BCL2: variants seen among roughly 807,000 people sequenced by gnomAD.
The protein encoded by BCL2 is apoptosis regulator Bcl-2.
A neutral mutation model predicts 14.2 loss-of-function variants in BCL2; 1 was observed. The observed-to-expected ratio is 0.07, with a 90% confidence interval of 0.02 to 0.33. The LOEUF (loss-of-function observed/expected upper bound fraction) is 0.33. Among genes scored for constraint, BCL2 ranks in the 10% least tolerant of loss-of-function variants. The pLI is 0.99. For synonymous variants in BCL2, 151 were observed against 137.2 expected (o/e 1.10, Z -0.70); for missense variants, 247 against 305.9 (o/e 0.81, Z 1.44).
At chr18:63,270,825 A>AT (rs71162617) in intron 2 of BCL2, among the ~76,000 whole-genome samples, 18 of 148,618 alleles carry the variant, frequency 1.2e-4, no homozygotes, top group East Asian at 2.0e-4. Context: ...AACTTGAAGA[A>AT]TTTTTTTTTT....
intron 2 of BCL2, among the ~76,000 whole-genome samples, chr18:63,246,262 T>C (rs1225175991): frequency 6.6e-6 from 1 of 152,180 alleles, no homozygotes; most frequent in African/African-American, 2.4e-5. Context: ...TCCAAGTTTT[T>C]CCTCAGGACT....
At chr18:63,284,574 G>T (rs1912412180) in intron 2 of BCL2, among the ~76,000 whole-genome samples, 1 of 152,208 alleles carries the variant, frequency 6.6e-6, no homozygotes, top group Admixed American at 6.5e-5. Flanking sequence ...CAGTGCTTAT[G>T]TGGCAATGCT....
At chr18:63,159,055 A>G (rs1914852174) in intron 2 of BCL2, among the ~76,000 whole-genome samples, 2 of 152,190 alleles carry the variant, frequency 1.3e-5, no homozygotes, top group South Asian at 4.1e-4. Flanking sequence ...CAAAAACACA[A>G]CTGAAAGAGA....
chr18:63,193,428 C>T (rs1404000185), intron 2 of BCL2, among the ~76,000 whole-genome samples: 5 of 152,020 alleles, frequency 3.3e-5, no homozygotes, highest in African/African-American at 1.2e-4. Flanking sequence ...ACTGTGTTCT[C>T]GGCTTCTGTG....
rs1317107133 is a variant in BCL2, at chr18:63,310,023, T to A, written c.585+8059A>T. The stretch of plus-strand genomic sequence containing the variant: ...GATTACAGGCGCCCACCACCACACC[T>A]GGCTAATTTTTCTATTTTTAGTAGA... On this transcript the variant is annotated intron_variant, in intron 2 of 2. Coordinates refer to ENST00000333681, the MANE Select transcript of BCL2 (RefSeq NM_000633.3). 3.3e-5 allele frequency among the ~76,000 whole-genome samples: 5 copies of A among 151,852 alleles called. No individual in the cohort carries two copies. In the East Asian group the frequency reaches 9.7e-4, roughly 30 times the overall value.
rs1178120056 is a variant in BCL2 at position 63,319,748 on chromosome 18, T to A, written c.-861A>T. ...GGTGCCGAGCGCTAGAAGCCCGCGC[T>A]GTGTGTGGTGCGGCGAGGGGTGGGG... On this transcript the variant is annotated 5_prime_UTR_variant, in exon 1 of 3. Transcript: ENST00000333681. 1 of 203,932 alleles carries A rather than the reference T, an allele frequency of 4.9e-6. No individual in the cohort carries two copies. Among genetic ancestry groups the A allele is most frequent in the East Asian group, 7.4e-5 (1 of 13,560 alleles). 12.6% of individuals were successfully genotyped at this position (203,932 alleles called of 1,614,324 possible). A position where few individuals can be genotyped will look rare whatever the true frequency, so the allele number is the denominator to read the frequency against.
intron 2 of BCL2, among the ~76,000 whole-genome samples, chr18:63,221,139 G>A (rs1039295268): frequency 3.9e-5 from 6 of 152,190 alleles, no homozygotes; most frequent in African/African-American, 1.2e-4. Context: ...AACTGGCCAC[G>A]TGTCTGTGGG....
intron 2 of BCL2, among the ~76,000 whole-genome samples, chr18:63,245,659 A>T (rs726511): frequency 0.11 from 16,809 of 152,154 alleles, 1,520 homozygotes; most frequent in African/African-American, 0.24. Flanking sequence ...TTAAGGCCTA[A>T]TACTAACGTC....
At chr18:63,266,864 C>A (rs73475350) in intron 2 of BCL2, among the ~76,000 whole-genome samples, 1 of 152,126 alleles carries the variant, frequency 6.6e-6, no homozygotes, top group Non-Finnish European at 1.5e-5. Context: ...ATATGTAAAG[C>A]CTTTAGGTCA....
intron 2 of BCL2, among the ~76,000 whole-genome samples, chr18:63,230,918 G>T (rs905839667): frequency 1.3e-5 from 2 of 151,596 alleles, no homozygotes; most frequent in Non-Finnish European, 3.0e-5. Flanking sequence ...AAAAAAATTA[G>T]CAAAAATTCC....
At chr18:63,166,489 GCT>G (rs971681939) in intron 2 of BCL2, among the ~76,000 whole-genome samples, 1 of 152,188 alleles carries the variant, frequency 6.6e-6, no homozygotes, top group Admixed American at 6.5e-5. Flanking sequence ...GACTGCGCCA[GCT>G]CTCACTGGCC....
At chr18:63,314,198 ATTATT>A (rs1307192114) in intron 2 of BCL2, 2 of 152,226 alleles carry the variant, frequency 1.3e-5, no homozygotes, top group African/African-American at 2.4e-5. Flanking sequence ...CATGAAATAT[ATTATT>A]TAAGACTAGA....
intron 2 of BCL2, among the ~76,000 whole-genome samples, chr18:63,174,311 T>C (rs751699715): frequency 6.6e-6 from 1 of 152,158 alleles, no homozygotes; most frequent in Non-Finnish European, 1.5e-5. Context: ...AGAAACACAA[T>C]TGAAACTCAG....
At chr18:63,218,819 C>G (rs1225916536) in intron 2 of BCL2, among the ~76,000 whole-genome samples, 1 of 143,436 alleles carries the variant, frequency 7.0e-6, no homozygotes, top group Non-Finnish European at 1.5e-5. Flanking sequence ...CCACTCATCC[C>G]CATCCACTCT....
At chr18:63,146,221 C>T (rs1333477494) in intron 2 of BCL2, among the ~76,000 whole-genome samples, 1 of 152,188 alleles carries the variant, frequency 6.6e-6, no homozygotes, top group African/African-American at 2.4e-5. Flanking sequence ...ACACTAATTC[C>T]CCACTCCCTC....
At chr18:63,203,209 G>A (rs1038868959) in intron 2 of BCL2, among the ~76,000 whole-genome samples, 3 of 152,148 alleles carry the variant, frequency 2.0e-5, no homozygotes, top group Non-Finnish European at 2.9e-5. Flanking sequence ...CATCCATTGC[G>A]GGAGGGCCAG....
intron 2 of BCL2, among the ~76,000 whole-genome samples, chr18:63,310,052 A>G (rs1001150913): frequency 3.4e-4 from 51 of 151,954 alleles, no homozygotes; most frequent in Non-Finnish European, 1.6e-4. Flanking sequence ...TAGTAGAGAA[A>G]GGGTTTCACC....
intron 2 of BCL2, chr18:63,317,073 T>A (rs764673804): frequency 3.3e-5 from 5 of 152,138 alleles, no homozygotes; most frequent in Non-Finnish European, 7.3e-5. Flanking sequence ...AAAGTACAAT[T>A]GTATGGTATA....
intron 2 of BCL2, among the ~76,000 whole-genome samples, chr18:63,142,468 C>T (rs1416738631): frequency 6.6e-6 from 1 of 152,250 alleles, no homozygotes; most frequent in Non-Finnish European, 1.5e-5. Flanking sequence ...GGTGCTGGTT[C>T]TGTTGTTCTT....
Sources: gnomAD v4.1 joint callset for allele counts (sites outside exome capture counted in the v4.1 genomes callset) on GRCh38, gnomAD v4.1.1 for gene constraint, MANE v1.5 for transcripts, NCBI Gene and HGNC (gene_info 2026-07-23, HGNC 2026-07-21) for gene names.